The following ZNF560 variants were observed in gnomAD, a reference collection of about 807,000 sequenced individuals.
ZNF560 encodes zinc finger protein 560.
In ZNF560, 54 loss-of-function variants were observed where a neutral mutation model predicts 81.8. The observed-to-expected ratio is 0.66, with a 90% CI of 0.53 to 0.83. ZNF560 has a LOEUF of 0.83. Ranked by LOEUF, ZNF560 falls within the 40% of genes least tolerant of loss-of-function variation. ZNF560 has a pLI of 0.00. For missense variants in ZNF560, 940 were observed against 932.4 expected, an observed-to-expected ratio of 1.01 and a Z score of -0.11; for synonymous variants, 321 against 317.9, an observed-to-expected ratio of 1.01 and a Z score of -0.10.
chr19:9,493,158 G>A (rs753895206), intron 2 of ZNF560, among the ~76,000 whole-genome samples: 1 of 152,084 alleles, frequency 6.6e-6, no homozygotes, highest in African/African-American at 2.4e-5. Flanking sequence ...AAAAATTACC[G>A]TAGAAAAAAG....
chr19:9,498,345 C>T (rs1396373116), intron 1 of ZNF560, 130 bp from the exon 2 acceptor site: 1 of 152,350 alleles, frequency 6.6e-6, no homozygotes, highest in Non-Finnish European at 1.5e-5. Context: ...CACTTCCCAC[C>T]CGGCTCCTCT....
intron 2 of ZNF560, among the ~76,000 whole-genome samples, chr19:9,489,521 G>A (rs1467005727): frequency 6.6e-6 from 1 of 152,226 alleles, no homozygotes; most frequent in East Asian, 1.9e-4. Context: ...TTGTCAGACA[G>A]GGCGGTGGCC....
the ZNF560 span, among the ~76,000 whole-genome samples, chr19:9,504,492 A>C: frequency 0.014 from 2,131 of 152,238 alleles, 51 homozygotes; most frequent in African/African-American, 0.048. Flanking sequence ...TGGCATATAC[A>C]TTTGACATAT....
intron 2 of ZNF560, among the ~76,000 whole-genome samples, chr19:9,477,690 T>A (rs377201057): frequency 6.6e-6 from 1 of 152,206 alleles, no homozygotes; most frequent in Non-Finnish European, 1.5e-5. Context: ...AAAATCACCT[T>A]TTATTATTAT....
intron 4 of ZNF560, among the ~76,000 whole-genome samples, 165 bp downstream of exon 4, chr19:9,474,034 C>T (rs982531596): frequency 4.6e-5 from 7 of 152,108 alleles, no homozygotes; most frequent in African/African-American, 7.2e-5. Flanking sequence ...GTGATGCTGT[C>T]GAAACTGGAC....
At chr19:9,492,572 C>T (rs2073489718) in intron 2 of ZNF560, among the ~76,000 whole-genome samples, 3 of 152,368 alleles carry the variant, frequency 2.0e-5, no homozygotes, top group Middle Eastern at 3.4e-3. Flanking sequence ...ACAGTGGGAA[C>T]ATGTCCCTCT....
At chr19:9,501,327 T>G (rs920004786), upstream of ZNF560, among the ~76,000 whole-genome samples, 9 of 109,024 alleles carry the variant, frequency 8.3e-5, no homozygotes, top group African/African-American at 3.4e-4. Flanking sequence ...CCTGGCTACT[T>G]TGTGTGTGTG....
At chr19:9,480,404 A>C (rs1216075214) in intron 2 of ZNF560, among the ~76,000 whole-genome samples, 1 of 18,512 alleles carries the variant, frequency 5.4e-5, no homozygotes, top group African/African-American at 7.3e-4. Flanking sequence ...AAAGGATTTA[A>C]AGAGGGCAGT....
chr19:9,489,783 G>T (rs867335926), intron 2 of ZNF560, among the ~76,000 whole-genome samples: 1 of 152,064 alleles, frequency 6.6e-6, no homozygotes, highest in African/African-American at 2.4e-5. Flanking sequence ...GTAGAGACAG[G>T]GTTTCACTGT....
the ZNF560 span, among the ~76,000 whole-genome samples, chr19:9,450,152 G>T: frequency 6.6e-6 from 1 of 151,146 alleles, no homozygotes; most frequent in Non-Finnish European, 1.5e-5. Flanking sequence ...TTAGCTGGAC[G>T]CAGTGGCAGG....
At chr19:9,461,286 G>A in the ZNF560 span, among the ~76,000 whole-genome samples, 2 of 152,150 alleles carry the variant, frequency 1.3e-5, no homozygotes, top group Admixed American at 6.5e-5. Flanking sequence ...TGCCAGGAAG[G>A]TAGATTGTCC....
chr19:9,447,936 G>T, the ZNF560 span, among the ~76,000 whole-genome samples: 3 of 152,246 alleles, frequency 2.0e-5, no homozygotes, highest in East Asian at 5.8e-4. Flanking sequence ...CAACGCTAGA[G>T]AAAAAAGCTT....
At chr19:9,504,999 C>T in the ZNF560 span, among the ~76,000 whole-genome samples, 10 of 152,168 alleles carry the variant, frequency 6.6e-5, no homozygotes, top group African/African-American at 1.7e-4. Context: ...GCAGGGGAAT[C>T]GCTTGAACCT....
chr19:9,495,217 C>T (rs1289649537), intron 2 of ZNF560, among the ~76,000 whole-genome samples: 1 of 152,090 alleles, frequency 6.6e-6, no homozygotes, highest in Admixed American at 6.5e-5. Flanking sequence ...CAAGACACAG[C>T]ATGCTTATCA....
At chr19:9,458,420 A>C in the ZNF560 span, among the ~76,000 whole-genome samples, 1 of 152,234 alleles carries the variant, frequency 6.6e-6, no homozygotes, top group Non-Finnish European at 1.5e-5. Context: ...CAGACGCCCT[A>C]TACTTCAGCT....
chr19:9,484,286 A>G (rs903199338), intron 2 of ZNF560, among the ~76,000 whole-genome samples: 23 of 151,352 alleles, frequency 1.5e-4, no homozygotes, highest in Non-Finnish European at 2.8e-4. Context: ...AAGAATGATC[A>G]ATTAAAAAAA....
chr19:9,471,239 G>T, intron 6 of ZNF560, 57 bp downstream of exon 6: 2 of 1,286,870 alleles, frequency 1.6e-6, no homozygotes, highest in Non-Finnish European at 2.2e-6. Flanking sequence ...TTTCTATATT[G>T]GAAGTCCCAA....
upstream of ZNF560, among the ~76,000 whole-genome samples, chr19:9,502,131 G>C (rs192321339): frequency 8.6e-5 from 13 of 151,910 alleles, no homozygotes; most frequent in African/African-American, 3.1e-4. Flanking sequence ...TCCAGCCTGG[G>C]TGACAGAGCA....
At chr19:9,497,856 G>A (rs1279016903) in intron 2 of ZNF560, among the ~76,000 whole-genome samples, 1 of 152,118 alleles carries the variant, frequency 6.6e-6, no homozygotes, top group African/African-American at 2.4e-5. Context: ...CTTTGGAGAC[G>A]TACAGAGCTA....
Sources: allele counts gnomAD v4.1 joint callset (sites outside exome capture counted in the v4.1 genomes callset), GRCh38; gene constraint gnomAD v4.1.1; transcripts MANE v1.5; gene names NCBI Gene and HGNC (gene_info 2026-07-23, HGNC 2026-07-21).